Variants in EXOC6 observed in about 807,000 individuals in gnomAD.
The protein encoded by EXOC6 is exocyst complex component 6.
Under a neutral mutation model 112.5 loss-of-function variants are expected in EXOC6, and 60 were observed. The observed-to-expected ratio is 0.53, with a 90% confidence interval of 0.43 to 0.66. The LOEUF (loss-of-function observed/expected upper bound fraction) is 0.66, where lower values mean the gene tolerates loss of function less well. Among genes scored for constraint, EXOC6 ranks in the 30% least tolerant of loss-of-function variants. The pLI is 0.00. For missense variants in EXOC6, 855 were observed against 957.1 expected, an observed-to-expected ratio of 0.89 and a Z score of 1.41; for synonymous variants, 295 against 308.0, an observed-to-expected ratio of 0.96 and a Z score of 0.44.
intron 1 of EXOC6, among the ~76,000 whole-genome samples, chr10:92,891,047 A>T (rs1159984714): frequency 6.6e-6 from 1 of 152,226 alleles, no homozygotes; most frequent in African/African-American, 2.4e-5. Flanking sequence ...GGCTTAGTCC[A>T]GGGTGATACC....
chr10:92,921,246 T>G (rs201955387), intron 8 of EXOC6, among the ~76,000 whole-genome samples: 1 of 20,006 alleles, frequency 5.0e-5, no homozygotes, highest in African/African-American at 4.6e-4. Flanking sequence ...TGTCATTTCC[T>G]TTTTTTTTTT....
intron 17 of EXOC6, among the ~76,000 whole-genome samples, chr10:92,957,131 T>C (rs1352195487): frequency 6.6e-6 from 1 of 152,176 alleles, no homozygotes; most frequent in Non-Finnish European, 1.5e-5. Context: ...ACAAATTGAT[T>C]GTTAGCTTTT....
Position 92,955,369 on chromosome 10 carries a change from GGTGTGTGT to G in EXOC6, c.1639-198_1639-191del, listed in dbSNP as rs746305692. Among the ~76,000 whole-genome samples the G allele has an allele frequency of 6.0e-4, 89 of 147,446 alleles. 1 individual carries two copies. The highest frequency in any genetic ancestry group is 1.0e-3 in the Non-Finnish European group (68 of 66,840). On this transcript the variant is annotated intron_variant, in intron 16 of 21. Transcript: ENST00000260762. The stretch of plus-strand genomic sequence containing the variant: ...TAAAATAACTGGTATTTAGACTCTT[GGTGTGTGT>G]GTGTGTGTGTGTATATATATATATA...
chr10:93,039,573 A>G (rs1299216822), intron 20 of EXOC6, among the ~76,000 whole-genome samples: 1 of 152,192 alleles, frequency 6.6e-6, no homozygotes, highest in Non-Finnish European at 1.5e-5. Flanking sequence ...GGCAGCCTCC[A>G]CCATTTCTCT....
intron 18 of EXOC6, among the ~76,000 whole-genome samples, chr10:92,994,107 C>A (rs1318255818): frequency 6.6e-6 from 1 of 152,208 alleles, no homozygotes; most frequent in African/African-American, 2.4e-5. Context: ...AACAAATTAG[C>A]AGATTGTAGT....
At chr10:92,930,525 T>TGAA (rs1554896682) in intron 9 of EXOC6, among the ~76,000 whole-genome samples, 3 of 150,704 alleles carry the variant, frequency 2.0e-5, no homozygotes, top group Non-Finnish European at 4.4e-5. Context: ...ATAATAATAA[T>TGAA]AAATAGAAAA....
chr10:92,827,061 G>C (rs1238489047), intron 1 of EXOC6, among the ~76,000 whole-genome samples: 1 of 152,166 alleles, frequency 6.6e-6, no homozygotes, highest in East Asian at 1.9e-4. Flanking sequence ...GATATTATTT[G>C]AAAGAATATT....
At chr10:92,933,941 CTTG>C (rs879211186) in intron 9 of EXOC6, among the ~76,000 whole-genome samples, 200 bp from the exon 10 acceptor site, 2 of 152,170 alleles carry the variant, frequency 1.3e-5, no homozygotes, top group South Asian at 4.1e-4. Context: ...TCCTTTTTAA[CTTG>C]TTTATCTCCT....
At chr10:92,922,612 G>C (rs1254138612) in intron 8 of EXOC6, among the ~76,000 whole-genome samples, 1 of 152,082 alleles carries the variant, frequency 6.6e-6, no homozygotes, top group Middle Eastern at 3.2e-3. Flanking sequence ...TTCCATGAAA[G>C]GAAAATAGGT....
At chr10:92,941,785 T>C (rs754871125) in intron 13 of EXOC6, among the ~76,000 whole-genome samples, 8 of 152,206 alleles carry the variant, frequency 5.3e-5, no homozygotes, top group African/African-American at 1.2e-4. Flanking sequence ...TGGACAAAAG[T>C]ATTTTAATAT....
chr10:92,998,099 AT>A (rs1046248558), intron 19 of EXOC6, among the ~76,000 whole-genome samples: 1 of 150,754 alleles, frequency 6.6e-6, no homozygotes, highest in South Asian at 2.1e-4. Flanking sequence ...TTTTCACTTT[AT>A]TTTTTTTTAG....
At chr10:92,996,553 C>A (rs911559428) in intron 18 of EXOC6, among the ~76,000 whole-genome samples, 1 of 150,414 alleles carries the variant, frequency 6.6e-6, no homozygotes, top group Admixed American at 6.7e-5. Flanking sequence ...GGAGGCAGAG[C>A]TTGCAGTGAG....
intron 1 of EXOC6, among the ~76,000 whole-genome samples, chr10:92,840,880 A>C (rs1379538029): frequency 6.6e-6 from 1 of 151,742 alleles, no homozygotes; most frequent in African/African-American, 2.4e-5. Context: ...CTGGTCTTGA[A>C]CTTCTGAACT....
intron 1 of EXOC6, among the ~76,000 whole-genome samples, chr10:92,890,141 T>A (rs968120532): frequency 7.2e-5 from 11 of 152,360 alleles, no homozygotes; most frequent in Admixed American, 4.6e-4. Context: ...TTGATTTTTT[T>A]AAAATCAGAG....
chr10:92,851,680 AAAAC>A lies in EXOC6; in HGVS notation c.101+3050_101+3053del, dbSNP rs202229330. Among the ~76,000 whole-genome samples the A allele has an allele frequency of 2.8e-4, 43 of 152,160 alleles. No individual in the cohort carries two copies. In the East Asian group the frequency reaches 7.2e-3, roughly 25 times the overall value. On this transcript the variant is annotated intron_variant, in intron 1 of 21. Transcript: ENST00000260762. Reference sequence around the variant, plus strand: ...AACAAAAACAAAAACAAACAAAAAAAAAACAAAACCAACCAACTAACCAAACAAA... The same window carrying A: ...AACAAAAACAAAAACAAACAAAAAAAAAAACCAACCAACTAACCAAACAAA...
intron 18 of EXOC6, among the ~76,000 whole-genome samples, chr10:92,980,744 A>G (rs1484541600): frequency 6.6e-6 from 1 of 152,212 alleles, no homozygotes; most frequent in Non-Finnish European, 1.5e-5. Context: ...CTTGGAAATC[A>G]TGCCAATTTT....
At chr10:92,926,645 T>C (rs765949029) in intron 8 of EXOC6, among the ~76,000 whole-genome samples, 4 of 152,096 alleles carry the variant, frequency 2.6e-5, no homozygotes, top group Non-Finnish European at 5.9e-5. Flanking sequence ...ACGATCCTCT[T>C]GTCTCAGCCG....
At chr10:92,945,237 A>G (rs1347689671) in intron 13 of EXOC6, among the ~76,000 whole-genome samples, 1 of 152,024 alleles carries the variant, frequency 6.6e-6, no homozygotes, top group Non-Finnish European at 1.5e-5. Context: ...TCTTCTATTG[A>G]GTTGAGTTCC....
chr10:92,889,314 C>CT (rs1344031552), intron 1 of EXOC6, among the ~76,000 whole-genome samples: 2 of 152,080 alleles, frequency 1.3e-5, no homozygotes, highest in South Asian at 4.2e-4. Flanking sequence ...TTTTTAAAGA[C>CT]TTTTTTTTCT....
Sources: allele counts gnomAD v4.1 joint callset (sites outside exome capture counted in the v4.1 genomes callset), GRCh38; gene constraint gnomAD v4.1.1; transcripts MANE v1.5; gene names NCBI Gene and HGNC (gene_info 2026-07-23, HGNC 2026-07-21).